FSTL5: variants seen among roughly 807,000 people sequenced by gnomAD.
FSTL5 encodes the protein follistatin-related protein 5.
In FSTL5, 62 loss-of-function variants were observed where a neutral mutation model predicts 89.1. The observed-to-expected ratio is 0.70, with a 90% confidence interval of 0.57 to 0.86. FSTL5 has a LOEUF of 0.86. Among genes scored for constraint, FSTL5 ranks in the 40% least tolerant of loss-of-function variants. The pLI is 0.00. For synonymous variants in FSTL5, 383 were observed against 346.2 expected (o/e 1.11, Z -1.18); for missense variants, 1,057 against 1,001.6 (o/e 1.06, Z -0.75).
At chr4:162,153,147 A>C (rs1733296525) in intron 1 of FSTL5, among the ~76,000 whole-genome samples, 1 of 152,020 alleles carries the variant, frequency 6.6e-6, no homozygotes, top group African/African-American at 2.4e-5. Context: ...TTCCACCCTA[A>C]ATGTATTGAC....
At chr4:161,816,920 T>C (rs1341458666) in intron 4 of FSTL5, among the ~76,000 whole-genome samples, 1 of 152,198 alleles carries the variant, frequency 6.6e-6, no homozygotes, top group South Asian at 2.1e-4. Flanking sequence ...TCTGTGTCTA[T>C]CTCCCTCCTT....
At chr4:161,411,667 G>A (rs1731597048) in intron 15 of FSTL5, among the ~76,000 whole-genome samples, 1 of 152,110 alleles carries the variant, frequency 6.6e-6, no homozygotes. Flanking sequence ...CAGCAGACTA[G>A]GCATCAAAGG....
At chr4:161,804,846 A>G (rs1277171728) in intron 4 of FSTL5, among the ~76,000 whole-genome samples, 1 of 152,050 alleles carries the variant, frequency 6.6e-6, no homozygotes, top group Non-Finnish European at 1.5e-5. Context: ...TAGTTGGCCA[A>G]TAAGATCCTT....
At chr4:161,729,262 A>G (rs1739522668) in intron 6 of FSTL5, among the ~76,000 whole-genome samples, 3 of 152,216 alleles carry the variant, frequency 2.0e-5, no homozygotes, top group Non-Finnish European at 4.4e-5. Context: ...AAAGTTTTAG[A>G]GCATAATCTA....
At chr4:161,610,516 G>A (rs1210626829) in intron 7 of FSTL5, among the ~76,000 whole-genome samples, 4 of 152,118 alleles carry the variant, frequency 2.6e-5, no homozygotes, top group Non-Finnish European at 4.4e-5. Context: ...GAAACCTGTG[G>A]TGATTGCATG....
intron 1 of FSTL5, among the ~76,000 whole-genome samples, chr4:162,124,849 G>A (rs1732013128): frequency 2.0e-5 from 3 of 152,074 alleles, no homozygotes; most frequent in Admixed American, 6.6e-5. Context: ...ACAGGCGCCC[G>A]CCACCACGTC....
intron 7 of FSTL5, among the ~76,000 whole-genome samples, chr4:161,588,366 G>A (rs1733690752): frequency 6.6e-6 from 1 of 151,852 alleles, no homozygotes; most frequent in African/African-American, 2.4e-5. Flanking sequence ...TGATCTCAGT[G>A]ATAACATTTA....
At chr4:161,762,941 A>G (rs752430096) in intron 5 of FSTL5, among the ~76,000 whole-genome samples, 7 of 152,318 alleles carry the variant, frequency 4.6e-5, no homozygotes, top group Non-Finnish European at 7.4e-5. Context: ...AGCATGGAAC[A>G]GGGAGTACAT....
chr4:161,934,286 T>C (rs1045683671), intron 3 of FSTL5, among the ~76,000 whole-genome samples: 19 of 152,074 alleles, frequency 1.2e-4, no homozygotes, highest in African/African-American at 4.3e-4. Context: ...TTATAGACAA[T>C]TGGAAATATA....
chr4:161,408,160 G>A (rs543608010), intron 15 of FSTL5, among the ~76,000 whole-genome samples: 2 of 152,188 alleles, frequency 1.3e-5, no homozygotes, highest in South Asian at 4.2e-4. Context: ...AACAGACCTG[G>A]TGAGAGGGTC....
chr4:161,446,858 C>T (rs1033689622), intron 15 of FSTL5, among the ~76,000 whole-genome samples: 2 of 151,818 alleles, frequency 1.3e-5, no homozygotes, highest in African/African-American at 2.4e-5. Flanking sequence ...AATGAGGAAA[C>T]GGAGTAATCT....
At chr4:161,488,226 C>T (rs904152213) in intron 12 of FSTL5, among the ~76,000 whole-genome samples, 3 of 151,816 alleles carry the variant, frequency 2.0e-5, no homozygotes, top group African/African-American at 4.8e-5. Flanking sequence ...ATTCAATTTC[C>T]GATTTCATTT....
rs183856563 is a variant in FSTL5 at position 162,070,068 on chromosome 4, C to T, written c.127-36410G>A. Among the ~76,000 whole-genome samples the T allele has an allele frequency of 1.5e-3, 222 of 151,816 alleles. 1 individual carries two copies. The highest frequency in any genetic ancestry group is 5.0e-3 in the African/African-American group (206 of 41,464). ...TATTTTTGGTCTTTTTTATAATAGC[C>T]ATTCTGTCTTGGGTGAGGTAATATC... On this transcript the variant is annotated intron_variant, in intron 2 of 15. Coordinates refer to ENST00000306100, the MANE Select transcript of FSTL5 (RefSeq NM_020116.5).
chr4:161,499,288 A>G (rs751201173), intron 12 of FSTL5, among the ~76,000 whole-genome samples: 1 of 152,234 alleles, frequency 6.6e-6, no homozygotes. Context: ...CAAAATGGTA[A>G]GAATTTTACT....
At chr4:161,539,498 T>A (rs1716532325) in intron 9 of FSTL5, among the ~76,000 whole-genome samples, 1 of 152,042 alleles carries the variant, frequency 6.6e-6, no homozygotes, top group African/African-American at 2.4e-5. Context: ...ACACCCTCAT[T>A]CCCCACATAA....
chr4:161,652,585 T>C (rs1170151696), intron 7 of FSTL5, among the ~76,000 whole-genome samples: 2 of 152,098 alleles, frequency 1.3e-5, no homozygotes, highest in Non-Finnish European at 2.9e-5. Flanking sequence ...AAATTATATA[T>C]GCAATGCATG....
At chr4:161,868,540 A>C (rs2126897526) in intron 4 of FSTL5, among the ~76,000 whole-genome samples, 1 of 152,262 alleles carries the variant, frequency 6.6e-6, no homozygotes, top group East Asian at 1.9e-4. Flanking sequence ...TGATCTCCAC[A>C]ATATTGTCAG....
chr4:161,837,591 A>T (rs1053267164), intron 4 of FSTL5, among the ~76,000 whole-genome samples: 13 of 152,128 alleles, frequency 8.5e-5, no homozygotes, highest in Non-Finnish European at 1.6e-4. Flanking sequence ...AAGCACTTTA[A>T]AATCATTAAT....
intron 15 of FSTL5, among the ~76,000 whole-genome samples, chr4:161,407,168 G>A (rs988567119): frequency 1.3e-5 from 2 of 152,108 alleles, no homozygotes; most frequent in Non-Finnish European, 2.9e-5. Context: ...GTCACGAATT[G>A]TACACTTTAA....
Sources: gnomAD v4.1 joint callset for allele counts (sites outside exome capture counted in the v4.1 genomes callset) on GRCh38, gnomAD v4.1.1 for gene constraint, MANE v1.5 for transcripts, NCBI Gene and HGNC (gene_info 2026-07-23, HGNC 2026-07-21) for gene names.